The following GABBR2 variants were observed in gnomAD, a reference collection of about 807,000 sequenced individuals.
GABBR2 encodes G-protein coupled receptor 51.
A neutral mutation model predicts 105.6 loss-of-function variants in GABBR2; 23 were observed. The observed-to-expected ratio is 0.22, with a 90% confidence interval of 0.16 to 0.31. GABBR2 has a LOEUF of 0.31. Among genes scored for constraint, GABBR2 ranks in the 10% least tolerant of loss-of-function variants. The pLI, the probability that GABBR2 is intolerant of heterozygous loss-of-function variation, is 1.00. For synonymous variants in GABBR2, 478 were observed against 499.7 expected (o/e 0.96, Z 0.58); for missense variants, 734 against 1,245.5 (o/e 0.59, Z 6.18).
chr9:98,356,786 A>G (rs2131434290), intron 13 of GABBR2, among the ~76,000 whole-genome samples: 1 of 152,360 alleles, frequency 6.6e-6, no homozygotes, highest in Non-Finnish European at 1.5e-5. Flanking sequence ...GTGAATGAAT[A>G]AACAATCTGT....
intron 2 of GABBR2, among the ~76,000 whole-genome samples, chr9:98,551,277 C>A (rs1301553571): frequency 6.6e-6 from 1 of 152,074 alleles, no homozygotes; most frequent in Admixed American, 6.5e-5. Flanking sequence ...GTGGTGGGCA[C>A]CTGTAATCCC....
intron 1 of GABBR2, among the ~76,000 whole-genome samples, chr9:98,597,123 C>T (rs1364521932): frequency 4.6e-5 from 7 of 152,140 alleles, no homozygotes. Context: ...ATTGTGAACC[C>T]AAGTGGTGCA....
At chr9:98,701,892 G>A (rs1245156187) in intron 1 of GABBR2, among the ~76,000 whole-genome samples, 1 of 152,080 alleles carries the variant, frequency 6.6e-6, no homozygotes, top group African/African-American at 2.4e-5. Context: ...AGCCCTGTGA[G>A]GTCAGCACAA....
chr9:98,496,422 T>C lies in GABBR2; in HGVS notation c.723A>G (p.Lys241=), dbSNP rs1359916669. The C allele has an allele frequency of 6.2e-7, 1 of 1,606,802 alleles. No individual in the cohort carries two copies. Among genetic ancestry groups the C allele is most frequent in the African/African-American group, 1.3e-5 (1 of 74,738 alleles). The part of the protein sequence containing the change: ...SFSNDPCTSV[K]KLKGNDVRII... ...GGCTAGCCACACCTACCTTCAGCTTTTTGACACTGGTACAGGGATCGTTGG... is the reference window on the plus strand; with the variant it reads ...GGCTAGCCACACCTACCTTCAGCTTCTTGACACTGGTACAGGGATCGTTGG... The change falls in exon 4 of 19, where the codon AAA becomes AAG. Residue 241 remains lysine (K), a synonymous_variant. Coordinates refer to ENST00000259455, the MANE Select transcript of GABBR2 (RefSeq NM_005458.8).
At chr9:98,473,404 G>A (rs1826724872) in intron 5 of GABBR2, 58 bp from the exon 6 acceptor site, 1 of 1,153,488 alleles carries the variant, frequency 8.7e-7, no homozygotes, top group Admixed American at 1.8e-5. Context: ...AAGGCTCTGT[G>A]CCCTGGAAGA....
At chr9:98,471,097 C>T (rs1423758604) in intron 6 of GABBR2, among the ~76,000 whole-genome samples, 1 of 152,186 alleles carries the variant, frequency 6.6e-6, no homozygotes, top group Non-Finnish European at 1.5e-5. Context: ...AGCTGGACTC[C>T]ATAATGTCTA....
chr9:98,431,492 A>G (rs775317304), intron 7 of GABBR2, among the ~76,000 whole-genome samples: 11 of 152,170 alleles, frequency 7.2e-5, no homozygotes, highest in Non-Finnish European at 1.5e-4. Flanking sequence ...TGATAGAAAA[A>G]AAAACCCACA....
intron 13 of GABBR2, among the ~76,000 whole-genome samples, chr9:98,354,072 A>G (rs2131429127): frequency 6.6e-6 from 1 of 152,338 alleles, no homozygotes; most frequent in African/African-American, 2.4e-5. Context: ...GCAGTGTGGG[A>G]ACAGACTAAT....
At chr9:98,297,621 T>A (rs888019647) in intron 17 of GABBR2, among the ~76,000 whole-genome samples, 3 of 143,732 alleles carry the variant, frequency 2.1e-5, no homozygotes, top group African/African-American at 7.8e-5. Context: ...CTCAAAAAAA[T>A]AAAAAATAAA....
chr9:98,463,677 A>G (rs2779595), intron 6 of GABBR2, among the ~76,000 whole-genome samples: 117,536 of 151,996 alleles, frequency 0.77, 46,058 homozygotes, highest in East Asian at 0.9. Context: ...CCTCTCTTGC[A>G]GAGCCTGGGC....
At chr9:98,453,768 T>A (rs970982745) in intron 7 of GABBR2, among the ~76,000 whole-genome samples, 3 of 152,188 alleles carry the variant, frequency 2.0e-5, no homozygotes, top group Admixed American at 6.5e-5. Context: ...TTCTTATCCA[T>A]GAGTCACAGA....
At chr9:98,597,158 C>T (rs1281090376) in intron 1 of GABBR2, among the ~76,000 whole-genome samples, 1 of 152,202 alleles carries the variant, frequency 6.6e-6, no homozygotes, top group African/African-American at 2.4e-5. Flanking sequence ...TGCAGGCCCC[C>T]ACCCGTCAGC....
At chr9:98,310,260 T>C (rs1830615009) in intron 14 of GABBR2, among the ~76,000 whole-genome samples, 1 of 152,194 alleles carries the variant, frequency 6.6e-6, no homozygotes. Flanking sequence ...TTTGATTTTT[T>C]TTTTTGAGAC....
At chr9:98,427,876 A>T (rs1825726309) in intron 7 of GABBR2, among the ~76,000 whole-genome samples, 1 of 152,188 alleles carries the variant, frequency 6.6e-6, no homozygotes, top group Admixed American at 6.5e-5. Context: ...CTTGCCAGCC[A>T]TTTGTGGGAG....
intron 1 of GABBR2, among the ~76,000 whole-genome samples, chr9:98,666,658 C>A (rs1022082241): frequency 2.0e-5 from 3 of 152,162 alleles, no homozygotes; most frequent in African/African-American, 7.2e-5. Context: ...CGGGCATGAG[C>A]CACTGTGTCT....
chr9:98,448,308 C>T (rs1826171122), intron 7 of GABBR2, among the ~76,000 whole-genome samples: 1 of 152,078 alleles, frequency 6.6e-6, no homozygotes, highest in Non-Finnish European at 1.5e-5. Flanking sequence ...CTTTCAATTT[C>T]CCTATGGTCA....
chr9:98,474,470 T>C (rs914804323), intron 5 of GABBR2, among the ~76,000 whole-genome samples: 1 of 152,132 alleles, frequency 6.6e-6, no homozygotes, highest in African/African-American at 2.4e-5. Flanking sequence ...CATGTACCCG[T>C]AAGTAAACAA....
At chr9:98,574,073 G>A (rs942576524) in intron 2 of GABBR2, among the ~76,000 whole-genome samples, 14 of 152,162 alleles carry the variant, frequency 9.2e-5, no homozygotes, top group African/African-American at 1.9e-4. Flanking sequence ...AGTGGTATCC[G>A]GGGTTTTGAA....
intron 3 of GABBR2, among the ~76,000 whole-genome samples, chr9:98,538,031 A>G (rs1828215319): frequency 6.6e-6 from 1 of 152,192 alleles, no homozygotes; most frequent in Admixed American, 6.5e-5. Context: ...ATAGGAGGCC[A>G]CACTGATTTT....
Sources: allele counts gnomAD v4.1 joint callset (sites outside exome capture counted in the v4.1 genomes callset), GRCh38; gene constraint gnomAD v4.1.1; transcripts MANE v1.5; gene names NCBI Gene and HGNC (gene_info 2026-07-23, HGNC 2026-07-21).